The following ERCC6L2 variants were observed in gnomAD, a reference collection of about 807,000 sequenced individuals.
ERCC6L2 encodes ERCC excision repair 6 like 2.
A neutral mutation model predicts 132.0 loss-of-function variants in ERCC6L2; 77 were observed. The ratio of observed to expected loss-of-function variants is 0.58; its 90% CI spans 0.49 to 0.71. The LOEUF (loss-of-function observed/expected upper bound fraction) is 0.71. ERCC6L2 is among the 30% of genes least tolerant of loss of function. The pLI is 0.00. For synonymous variants in ERCC6L2, 583 were observed against 632.4 expected (o/e 0.92, Z 1.17); for missense variants, 1,542 against 1,837.6 (o/e 0.84, Z 2.94).
intron 1 of ERCC6L2, among the ~76,000 whole-genome samples, chr9:95,877,488 T>C (rs965771332): frequency 1.3e-5 from 2 of 152,162 alleles, no homozygotes; most frequent in Non-Finnish European, 2.9e-5. Flanking sequence ...GTGTACTTTT[T>C]AGTTTTCTCG....
intron 12 of ERCC6L2, among the ~76,000 whole-genome samples, chr9:95,954,363 G>C (rs1831494353): frequency 6.6e-6 from 1 of 152,108 alleles, no homozygotes; most frequent in African/African-American, 2.4e-5. Context: ...AGTGTACTGT[G>C]CTTTGGTATT....
At chr9:95,908,060 T>G (rs893988024) in intron 4 of ERCC6L2, among the ~76,000 whole-genome samples, 1 of 152,124 alleles carries the variant, frequency 6.6e-6, no homozygotes, top group East Asian at 1.9e-4. Context: ...AGATTTGCAC[T>G]TTGTAAATAC....
rs186121496 is a variant in ERCC6L2 at position 95,960,547 on chromosome 9, G to T, written c.1947+4534G>T. Among the ~76,000 whole-genome samples the T allele has an allele frequency of 2.6e-5, 4 of 152,244 alleles. No individual in the cohort carries two copies. The East Asian group carries it at 5.8e-4, about 22-fold the overall frequency. On this transcript the variant is annotated intron_variant, in intron 13 of 18. Coordinates refer to ENST00000653738, the MANE Select transcript of ERCC6L2 (RefSeq NM_020207.7). ...AGGAGAAGACAATGTAACCACAGAG[G>T]CATTGATTGGAGTGGTGTGCCAGAA... is the stretch of plus-strand genomic sequence containing the variant.
At position 95,880,908 on chromosome 9, in the gene ERCC6L2, C is replaced by T; in HGVS notation, c.86C>T (p.Pro29Leu). The T allele has an allele frequency of 6.2e-7, 1 of 1,613,040 alleles. No homozygotes were observed. The highest frequency in any genetic ancestry group is 8.5e-7 in the Non-Finnish European group (1 of 1,179,460). Residue 29 changes from proline to leucine, a missense_variant, in exon 2 of 19, where the codon CCA (proline) becomes CTA (leucine). Transcript: ENST00000653738. ...HPGERCLAPSPDNGKLCEASI... is the reference protein window; with the variant it reads ...HPGERCLAPSLDNGKLCEASI... ...GGAGAAAGATGTCTTGCCCCTTCTC[C>T]AGATAATGGAAAACTTTGTGAAGCA...
At chr9:96,011,743 G>T (rs1834032468) in intron 18 of ERCC6L2, among the ~76,000 whole-genome samples, 1 of 152,062 alleles carries the variant, frequency 6.6e-6, no homozygotes, top group African/African-American at 2.4e-5. Context: ...TTTCTATGTT[G>T]TATTTGTAAA....
intron 19 of ERCC6L2, among the ~76,000 whole-genome samples, chr9:96,025,453 C>T (rs141449093): frequency 4.2e-4 from 64 of 152,318 alleles, no homozygotes; most frequent in Middle Eastern, 3.4e-3. Flanking sequence ...TCAGTGTGAT[C>T]CGGAATGCCT....
chr9:95,978,096 C>T lies in ERCC6L2; in HGVS notation c.3373C>T (p.Gln1125Ter). 7.3e-7 allele frequency: 1 copy of T among 1,367,140 alleles called. No individual in the cohort carries two copies. The highest frequency in any genetic ancestry group is 9.8e-7 in the Non-Finnish European group (1 of 1,021,648). The allele number at this position is 1,367,140 out of a possible 1,614,324, so 84.7% of individuals were successfully genotyped here. The part of the protein sequence containing the change: ...VQEVAYIHSN[Q>*]NVIGSSKAEN... ...GGAAGTGGCTTATATTCACTCAAACCAGAATGTAATTGGATCGAGCAAAGC... is the reference window on the plus strand; with the variant it reads ...GGAAGTGGCTTATATTCACTCAAACTAGAATGTAATTGGATCGAGCAAAGC... Residue 1125 changes from glutamine to a stop codon, truncating the protein, a stop_gained, in exon 17 of 19, where the codon CAG (glutamine) becomes TAG (stop). Coordinates refer to ENST00000653738, the MANE Select transcript of ERCC6L2 (RefSeq NM_020207.7). LOFTEE classifies it high-confidence loss of function.
chr9:95,984,301 T>G (rs1251659216), intron 17 of ERCC6L2, among the ~76,000 whole-genome samples: 4 of 149,548 alleles, frequency 2.7e-5, no homozygotes, highest in South Asian at 2.1e-4. Flanking sequence ...ATATGTTATA[T>G]ATGTATAAAT....
At chr9:95,886,463 G>A (rs1343035804) in intron 2 of ERCC6L2, among the ~76,000 whole-genome samples, 1 of 152,106 alleles carries the variant, frequency 6.6e-6, no homozygotes, top group Non-Finnish European at 1.5e-5. Context: ...CCTATCTAGG[G>A]TCAGGCACAG....
At position 96,015,040 on chromosome 9, in the gene ERCC6L2, T is replaced by TTTTTTA. The variant is rs1834155990; in HGVS notation, c.*1837_*1838insTTTTTA. ...GTTTTTTTTTTTTTTTTTTTTTTTT[T>TTTTTTA]GAGATTGAGTCTCACTCTGTCACCC... is the stretch of plus-strand genomic sequence containing the variant. On this transcript the variant is annotated 3_prime_UTR_variant, in exon 19 of 19. Coordinates refer to ENST00000653738, the MANE Select transcript of ERCC6L2 (RefSeq NM_020207.7). Among the ~76,000 whole-genome samples, 6 of 144,486 alleles carry TTTTTTA rather than the reference T, an allele frequency of 4.2e-5. No homozygotes were observed. Among genetic ancestry groups the TTTTTTA allele is most frequent in the African/African-American group, 7.8e-5 (3 of 38,612 alleles). The allele number at this position is 144,486 out of a possible 152,430, so 94.8% of individuals were successfully genotyped here.
intron 4 of ERCC6L2, among the ~76,000 whole-genome samples, chr9:95,907,857 C>CACACAAACACACACACACACACACACACA: frequency 0.017 from 2,208 of 133,762 alleles, 64 homozygotes; most frequent in Admixed American, 0.055. Context: ...ACACACACAC[C>CACACAAACACACACACACACACACACACA]CCCACACCCA....
At chr9:95,882,921 C>A (rs1827671092) in intron 2 of ERCC6L2, among the ~76,000 whole-genome samples, 1 of 152,160 alleles carries the variant, frequency 6.6e-6, no homozygotes, top group African/African-American at 2.4e-5. Flanking sequence ...GGATAGACAG[C>A]AAGAATAAAG....
At chr9:96,019,515 CG>C (rs1702033322), downstream of ERCC6L2, among the ~76,000 whole-genome samples, 1 of 152,084 alleles carries the variant, frequency 6.6e-6, no homozygotes, top group Non-Finnish European at 1.5e-5. Context: ...ACTCCTGAAT[CG>C]ACAGCTCCCT....
rs1035137437 is a variant in ERCC6L2, at chr9:95,928,804, T to C, written c.1691T>C (p.Leu564Pro). The C allele has an allele frequency of 2.5e-6, 4 of 1,612,972 alleles. No homozygotes were observed. The highest frequency in any genetic ancestry group is 3.4e-6 in the Non-Finnish European group (4 of 1,179,362). Reference protein sequence around the residue: ...LDGSTKSEERLKIVKEFNSTQ... With the variant: ...LDGSTKSEERPKIVKEFNSTQ... The stretch of plus-strand genomic sequence containing the variant: ...GGAAGTACAAAATCAGAGGAAAGAC[T>C]CAAGATTGTAAAAGAGTTCAACAGT... Residue 564 changes from leucine to proline, a missense_variant, in exon 11 of 19, where the codon CTC becomes CCC. Around this residue, in one of 4 missense-constraint regions of ERCC6L2, gnomAD observed 945 missense variants for 1,105.2 expected, o/e 0.86. Coordinates refer to ENST00000653738, the MANE Select transcript of ERCC6L2 (RefSeq NM_020207.7).
chr9:95,961,170 T>C (rs955972021), intron 13 of ERCC6L2, among the ~76,000 whole-genome samples: 4 of 152,158 alleles, frequency 2.6e-5, no homozygotes, highest in African/African-American at 7.2e-5. Context: ...CCTGTGAATG[T>C]GATCTTATTT....
downstream of ERCC6L2, among the ~76,000 whole-genome samples, chr9:96,021,918 G>A (rs1188799017): frequency 1.3e-5 from 2 of 152,104 alleles, no homozygotes; most frequent in East Asian, 1.9e-4. The surrounding 1 kb of genome is among the most constrained non-coding windows in gnomAD (Gnocchi z 4.7). Flanking sequence ...GACCCGCCCA[G>A]GATGGAATCA....
At position 96,035,229 on chromosome 9, in the gene ERCC6L2, G is replaced by C. The variant is rs191878096; in HGVS notation, c.*1504-3647G>C. The stretch of plus-strand genomic sequence containing the variant: ...GAGGCAGACAGATTCCTGAGCAGAA[G>C]GGGGCGGGTCCCAGTAAGGCCCCTT... On this transcript the variant is annotated intron_variant and NMD_transcript_variant, in intron 19 of 20. Transcript: ENST00000670016. 6.5e-4 allele frequency among the ~76,000 whole-genome samples: 99 copies of C among 152,316 alleles called. 2 individuals are homozygous for C. In the East Asian group the frequency reaches 0.018, roughly 28 times the overall value.
chr9:95,937,369 T>C (rs1830602931), intron 11 of ERCC6L2, among the ~76,000 whole-genome samples: 1 of 152,146 alleles, frequency 6.6e-6, no homozygotes, highest in South Asian at 2.1e-4. Flanking sequence ...ATTTACCTAA[T>C]GTCTAATGAT....
At chr9:95,944,384 T>G (rs1053858399) in intron 12 of ERCC6L2, among the ~76,000 whole-genome samples, 8 of 152,306 alleles carry the variant, frequency 5.3e-5, no homozygotes, top group Admixed American at 4.6e-4. Context: ...AATGGGGAAT[T>G]ATTGTGTAAT....
Sources: gnomAD v4.1 joint callset for allele counts (sites outside exome capture counted in the v4.1 genomes callset) on GRCh38, gnomAD v4.1.1 for gene constraint, gnomAD v4.1.1 regional missense constraint, Gnocchi (gnomAD v3.1) non-coding constraint, MANE v1.5 for transcripts, NCBI Gene and HGNC (gene_info 2026-07-23, HGNC 2026-07-21) for gene names.